Variants in BTBD9 observed in about 807,000 individuals in gnomAD.
The protein encoded by BTBD9 is BTB domain containing 9.
In BTBD9, 49 loss-of-function variants were observed where a neutral mutation model predicts 64.3. That is an observed-to-expected ratio of 0.76 (90% CI 0.61 to 0.97). The LOEUF is 0.97. Among genes scored for constraint, BTBD9 ranks in the 50% least tolerant of loss-of-function variants. BTBD9 has a pLI of 0.00. For synonymous variants in BTBD9, 260 were observed against 274.7 expected (o/e 0.95, Z 0.53); for missense variants, 598 against 762.1 (o/e 0.78, Z 2.53).
chr6:38,287,322 T>A (rs1191604548), intron 8 of BTBD9, among the ~76,000 whole-genome samples: 1 of 151,630 alleles, frequency 6.6e-6, no homozygotes, highest in East Asian at 1.9e-4. Flanking sequence ...TTTTTTTTTT[T>A]AATTGAGATG....
intron 6 of BTBD9, among the ~76,000 whole-genome samples, chr6:38,422,184 C>T (rs1278857277): frequency 6.6e-6 from 1 of 152,050 alleles, no homozygotes; most frequent in Non-Finnish European, 1.5e-5. Flanking sequence ...CTTTATGGTA[C>T]AGCTAGAACA....
intron 9 of BTBD9, among the ~76,000 whole-genome samples, chr6:38,223,572 G>A (rs926547969): frequency 6.6e-6 from 1 of 152,038 alleles, no homozygotes; most frequent in African/African-American, 2.4e-5. Context: ...TCCCGGCCTC[G>A]AGTGATCCTC....
At chr6:38,183,964 C>T (rs1335937503) in intron 10 of BTBD9, among the ~76,000 whole-genome samples, 1 of 152,224 alleles carries the variant, frequency 6.6e-6, no homozygotes, top group African/African-American at 2.4e-5. Context: ...AGTCTCTGCT[C>T]TCAAGAACTG....
At chr6:38,253,282 T>TA (rs1764464632) in intron 9 of BTBD9, among the ~76,000 whole-genome samples, 1 of 152,150 alleles carries the variant, frequency 6.6e-6, no homozygotes, top group Non-Finnish European at 1.5e-5. Flanking sequence ...TCAGGAAACT[T>TA]ACAATCATGG....
chr6:38,474,122 A>G (rs772567089), intron 6 of BTBD9, among the ~76,000 whole-genome samples: 74 of 152,324 alleles, frequency 4.9e-4, no homozygotes, highest in Middle Eastern at 6.8e-3. Flanking sequence ...GGTTATGTAC[A>G]TGATCTGATT....
chr6:38,410,903 G>A (rs1227853096), intron 6 of BTBD9, among the ~76,000 whole-genome samples: 3 of 152,068 alleles, frequency 2.0e-5, no homozygotes, highest in South Asian at 2.1e-4. Flanking sequence ...ATCATGTCAT[G>A]AATTCACATA....
intron 6 of BTBD9, among the ~76,000 whole-genome samples, chr6:38,555,680 T>C (rs1158778086): frequency 6.6e-6 from 1 of 152,230 alleles, no homozygotes; most frequent in African/African-American, 2.4e-5. Context: ...TAATTTTTAA[T>C]TGTCAGATTC....
chr6:38,270,385 T>A (rs749574759), intron 8 of BTBD9, among the ~76,000 whole-genome samples: 1 of 141,910 alleles, frequency 7.0e-6, no homozygotes, highest in African/African-American at 2.6e-5. Context: ...TTCAGGAAGG[T>A]AGAGACAAAA....
At position 38,169,402 on chromosome 6, in the gene BTBD9, A is replaced by T. The variant is rs1399720460; in HGVS notation, c.*5583T>A. On this transcript the variant is annotated 3_prime_UTR_variant, in exon 11 of 11. Transcript: ENST00000481247. ...GATGAGCTGGTGCCGTCCCCTCCCAATTCCGCTCAGATGGGCACCCTCGCC... is the reference window on the plus strand; with the variant it reads ...GATGAGCTGGTGCCGTCCCCTCCCATTTCCGCTCAGATGGGCACCCTCGCC... The T allele has an allele frequency of 6.6e-6, 1 of 152,276 alleles. No homozygotes were observed. The highest frequency in any genetic ancestry group is 2.4e-5 in the African/African-American group (1 of 41,418). The allele number at this position is 152,276 out of a possible 1,614,324, so 9.4% of individuals were successfully genotyped here.
intron 6 of BTBD9, among the ~76,000 whole-genome samples, chr6:38,575,906 C>T (rs1776003211): frequency 6.6e-6 from 1 of 151,730 alleles, no homozygotes; most frequent in African/African-American, 2.4e-5. Context: ...ACAGGAAAGA[C>T]AAAATAAGGA....
intron 7 of BTBD9, among the ~76,000 whole-genome samples, chr6:38,327,846 G>A (rs1582236467): frequency 6.6e-6 from 1 of 152,056 alleles, no homozygotes. Context: ...CTCAACTCTT[G>A]GTTTATTCAG....
intron 4 of BTBD9, among the ~76,000 whole-genome samples, chr6:38,592,090 G>A (rs1021207044): frequency 4.6e-5 from 7 of 151,748 alleles, no homozygotes; most frequent in Admixed American, 2.0e-4. Flanking sequence ...GGCTGAGGCA[G>A]GAGAACCGCT....
At chr6:38,588,394 C>A in intron 4 of BTBD9, 2 of 827,380 alleles carry the variant, frequency 2.4e-6, no homozygotes, top group Non-Finnish European at 4.2e-6. Context: ...TCCAAGCCAA[C>A]CTGGGGCCTA....
intron 6 of BTBD9, among the ~76,000 whole-genome samples, chr6:38,529,830 T>C (rs1050088155): frequency 6.6e-6 from 1 of 152,154 alleles, no homozygotes; most frequent in Non-Finnish European, 1.5e-5. Context: ...GTTTGAACAA[T>C]ATGAAATCAG....
intron 7 of BTBD9, among the ~76,000 whole-genome samples, chr6:38,304,404 G>C (rs1372378298): frequency 6.6e-6 from 1 of 152,008 alleles, no homozygotes; most frequent in Admixed American, 6.6e-5. Flanking sequence ...AAATTAGCCA[G>C]GCATGGTGGC....
At chr6:38,348,861 G>T (rs967332884) in intron 6 of BTBD9, among the ~76,000 whole-genome samples, 2 of 152,100 alleles carry the variant, frequency 1.3e-5, no homozygotes, top group African/African-American at 4.8e-5. Context: ...AATCAGGTTT[G>T]TTGCCCAGCT....
chr6:38,241,639 T>C (rs1763995299), intron 9 of BTBD9, among the ~76,000 whole-genome samples: 1 of 152,226 alleles, frequency 6.6e-6, no homozygotes, highest in Non-Finnish European at 1.5e-5. Flanking sequence ...AACTATACTT[T>C]AGAACTTTGT....
At chr6:38,490,024 A>G (rs886490095) in intron 6 of BTBD9, among the ~76,000 whole-genome samples, 1 of 152,218 alleles carries the variant, frequency 6.6e-6, no homozygotes, top group Non-Finnish European at 1.5e-5. Context: ...AATGCCATAT[A>G]AGGGATGATC....
chr6:38,607,493 G>A (rs980505654), intron 1 of BTBD9, among the ~76,000 whole-genome samples: 1 of 152,020 alleles, frequency 6.6e-6, no homozygotes, highest in Non-Finnish European at 1.5e-5. Context: ...TGCTAATGTG[G>A]GTTTATGTAT....
Sources: gnomAD v4.1 joint callset for allele counts (sites outside exome capture counted in the v4.1 genomes callset) on GRCh38, gnomAD v4.1.1 for gene constraint, MANE v1.5 for transcripts, NCBI Gene and HGNC (gene_info 2026-07-23, HGNC 2026-07-21) for gene names.